DERA: variants seen among roughly 807,000 people sequenced by gnomAD.
DERA encodes the protein 2-deoxy-D-ribose 5-phosphate aldolase.
In DERA, 15 loss-of-function variants were observed where a neutral mutation model predicts 41.1. The ratio of observed to expected loss-of-function variants is 0.37; its 90% CI spans 0.24 to 0.56. The LOEUF is 0.56. Ranked by LOEUF, DERA falls within the 20% of genes least tolerant of loss-of-function variation. DERA has a pLI of 0.81. For synonymous variants in DERA, 139 were observed against 137.4 expected, an observed-to-expected ratio of 1.01 and a Z score of -0.08; for missense variants, 396 against 403.4, an observed-to-expected ratio of 0.98 and a Z score of 0.16.
intron 4 of DERA, among the ~76,000 whole-genome samples, chr12:15,962,496 CTG>C (rs1365213400): frequency 6.6e-6 from 1 of 152,224 alleles, no homozygotes; most frequent in African/African-American, 2.4e-5. Context: ...ATGGCTATCA[CTG>C]TGAAGATAAA....
intron 6 of DERA, among the ~76,000 whole-genome samples, chr12:16,018,360 A>T (rs989385063): frequency 3.3e-5 from 5 of 152,174 alleles, no homozygotes; most frequent in African/African-American, 1.2e-4. Context: ...TTTAATAACA[A>T]TTATCCATTA....
At chr12:16,006,888 G>C (rs1432763524) in intron 6 of DERA, among the ~76,000 whole-genome samples, 1 of 152,210 alleles carries the variant, frequency 6.6e-6, no homozygotes, top group African/African-American at 2.4e-5. Context: ...CTTTAGGCTT[G>C]AAAATATGTC....
chr12:16,035,374 A>G lies in DERA; in HGVS notation c.751-858A>G, dbSNP rs902807000. On this transcript the variant is annotated intron_variant, in intron 7 of 8. Coordinates refer to ENST00000428559, the MANE Select transcript of DERA (RefSeq NM_015954.4). The surrounding 1 kb of genome is among the most constrained non-coding windows in gnomAD (Gnocchi z 4.1). ...ATAAAACGTGAGAGATTTAGTACTC[A>G]GGCTCTGAGGTGTTGTTTTGACCAC... is the stretch of plus-strand genomic sequence containing the variant. Among the ~76,000 whole-genome samples the G allele has an allele frequency of 6.6e-6, 1 of 152,208 alleles. No individual in the cohort carries two copies.
In DERA at chr12:15,922,490, T is replaced by G. The variant is rs1948251281; in HGVS notation, c.31+11076T>G. On this transcript the variant is annotated intron_variant, in intron 1 of 8. Coordinates refer to ENST00000428559, the MANE Select transcript of DERA (RefSeq NM_015954.4). The surrounding 1 kb of genome is among the most constrained non-coding windows in gnomAD (Gnocchi z 4.9). ...CATTAAACTACTAATATAGAGAAAT[T>G]TTGGGACACAGTGATTAGCATGTAG... 6.6e-6 allele frequency among the ~76,000 whole-genome samples: 1 copy of G among 152,146 alleles called. No individual in the cohort carries two copies. The highest frequency in any genetic ancestry group is 2.1e-4 in the South Asian group (1 of 4,828).
chr12:15,911,587 G>A lies in DERA; in HGVS notation c.31+173G>A, dbSNP rs1948164132. 2.8e-6 allele frequency: 2 copies of A among 719,090 alleles called. No homozygotes were observed. The highest frequency in any genetic ancestry group is 5.4e-5 in the East Asian group (2 of 37,074). The allele number at this position is 719,090 out of a possible 1,614,324, so 44.5% of individuals were successfully genotyped here. On this transcript the variant is annotated intron_variant, in intron 1 of 8. Coordinates refer to ENST00000428559, the MANE Select transcript of DERA (RefSeq NM_015954.4). This position sits in a 1 kb window ranked among gnomAD's most constrained non-coding sequence, Gnocchi z 4.5. ...TCACCCCAAGTAAAGGCCGAACCCG[G>A]CACGTTCGCGCCGCTTGTCTTTGCA...
chr12:15,923,671 C>G (rs912163276), intron 1 of DERA, among the ~76,000 whole-genome samples: 1 of 150,862 alleles, frequency 6.6e-6, no homozygotes, highest in Admixed American at 6.6e-5. Flanking sequence ...ATTCATTCCT[C>G]TGCATGGCAG....
At position 15,958,339 on chromosome 12, in the gene DERA, ATGT is replaced by A. The variant is rs774420918; in HGVS notation, c.277+11_277+13del. On this transcript the variant is annotated splice_donor_5th_base_variant and intron_variant, in intron 3 of 8. Transcript: ENST00000428559. The stretch of plus-strand genomic sequence containing the variant: ...GCTTTAAATATGCATGATAAAGGTA[ATGT>A]TGTTGTGTGTGATCTATGTGGTGTT... 1.2e-5 allele frequency: 19 copies of A among 1,597,756 alleles called. No homozygotes were observed. Among genetic ancestry groups the A allele is most frequent in the Middle Eastern group, 1.8e-4 (1 of 5,688 alleles).
In DERA at chr12:15,967,724, G is replaced by A. The variant is rs533498588; in HGVS notation, c.508+4777G>A. Among the ~76,000 whole-genome samples, 39 of 152,196 alleles carry A rather than the reference G, an allele frequency of 2.6e-4. No homozygotes were observed. The highest frequency in any genetic ancestry group is 8.4e-4 in the African/African-American group (35 of 41,522). On this transcript the variant is annotated intron_variant, in intron 5 of 8. Coordinates refer to ENST00000428559, the MANE Select transcript of DERA (RefSeq NM_015954.4). This position sits in a 1 kb window ranked among gnomAD's most constrained non-coding sequence, Gnocchi z 4.9. ...TTTACTGTCAGATCATGTTGAGCTC[G>A]TGACGGCACACTGTCCTTCCCTGCC...
chr12:15,982,319 G>A lies in DERA; in HGVS notation c.520G>A (p.Glu174Lys). 1.2e-6 allele frequency: 2 copies of A among 1,612,932 alleles called. No individual in the cohort carries two copies. The highest frequency in any genetic ancestry group is 1.1e-5 in the South Asian group (1 of 90,738). ...LTGQWEALYD[E>K]IRQFRKACGE... ...ATTTTCTTCCCCAGCCCTGTATGAT[G>A]AGATTCGTCAGTTTCGCAAGGCCTG... Residue 174 changes from glutamate (E) to lysine (K), a missense_variant, in exon 6 of 9, where the codon GAG becomes AAG. By Grantham distance (56) the Glu-to-Lys change is moderately conservative (BLOSUM62 1). Transcript: ENST00000428559. This position sits in a 1 kb window ranked among gnomAD's most constrained non-coding sequence, Gnocchi z 4.0.
At chr12:16,006,963 G>C (rs7969174) in intron 6 of DERA, among the ~76,000 whole-genome samples, 2 of 152,136 alleles carry the variant, frequency 1.3e-5, no homozygotes, top group Non-Finnish European at 2.9e-5. Context: ...GAAGTGTCAT[G>C]TAACTGCTTT....
rs1361111246 is a variant in DERA, at chr12:15,954,838, G to A, written c.32-2098G>A. Among the ~76,000 whole-genome samples the A allele has an allele frequency of 6.6e-6, 1 of 152,188 alleles. No individual in the cohort carries two copies. ...GACCGATAAAGGACAGCCTGTCAAA[G>A]CCTTGCCCCACTGAGTAATAGGCCT... On this transcript the variant is annotated intron_variant, in intron 1 of 8. Transcript: ENST00000428559. This position sits in a 1 kb window ranked among gnomAD's most constrained non-coding sequence, Gnocchi z 4.0.
At chr12:15,986,979 A>G (rs1406414394) in intron 6 of DERA, among the ~76,000 whole-genome samples, 1 of 152,112 alleles carries the variant, frequency 6.6e-6, no homozygotes, top group Non-Finnish European at 1.5e-5. Flanking sequence ...TTCTTGTTTC[A>G]GCCTTTAAAT....
At chr12:16,034,071 A>G (rs1949111330) in intron 7 of DERA, among the ~76,000 whole-genome samples, 3 of 152,208 alleles carry the variant, frequency 2.0e-5, no homozygotes, top group Non-Finnish European at 2.9e-5. Context: ...AAGAATATCA[A>G]AACCAAATGT....
intron 1 of DERA, among the ~76,000 whole-genome samples, chr12:15,923,097 A>G (rs1196008026): frequency 7.7e-6 from 1 of 130,618 alleles, no homozygotes; most frequent in Non-Finnish European, 1.5e-5. Flanking sequence ...ATCTCGGCTC[A>G]CTGCAAGCTC....
intron 5 of DERA, 68 bp downstream of exon 5, chr12:15,963,015 A>G (rs934141783): frequency 1.3e-5 from 20 of 1,544,972 alleles, no homozygotes; most frequent in Non-Finnish European, 1.5e-5. Flanking sequence ...ATGAGGTAAG[A>G]TGTGGTATGT....
At chr12:15,944,944 A>C (rs1026462737) in intron 1 of DERA, among the ~76,000 whole-genome samples, 1 of 152,214 alleles carries the variant, frequency 6.6e-6, no homozygotes, top group Non-Finnish European at 1.5e-5. Flanking sequence ...AGCTTTCTAC[A>C]TATGGCTAGC....
chr12:15,989,020 G>C lies in DERA; in HGVS notation c.637+6584G>C, dbSNP rs545387740. The stretch of plus-strand genomic sequence containing the variant: ...CGCAGTGGAGAAGGCTCCAGGAGTA[G>C]GGAGAGGCCAGGGAGTGGGACCAGG... On this transcript the variant is annotated intron_variant, in intron 6 of 8. Transcript: ENST00000428559. This position sits in a 1 kb window ranked among gnomAD's most constrained non-coding sequence, Gnocchi z 5.2. Among the ~76,000 whole-genome samples the C allele has an allele frequency of 3.3e-4, 51 of 152,372 alleles. No homozygotes were observed. The highest frequency in any genetic ancestry group is 6.2e-4 in the Non-Finnish European group (42 of 68,040).
rs1389654142 is a variant in DERA, at chr12:15,936,920, CCTGTCCTGTCCTGTCTT to C, written c.32-20015_32-19999del. Among the ~76,000 whole-genome samples the C allele has an allele frequency of 0.012, 1,711 of 142,444 alleles. 38 individuals are homozygous for C. Among genetic ancestry groups the C allele is most frequent in the African/African-American group, 0.043 (1,579 of 37,092 alleles). 93.4% of individuals were successfully genotyped at this position (142,444 alleles called of 152,430 possible). On this transcript the variant is annotated intron_variant, in intron 1 of 8. Transcript: ENST00000428559. This position sits in a 1 kb window ranked among gnomAD's most constrained non-coding sequence, Gnocchi z 4.6. ...CCTGTCCTGTCCTGTCCTGTCCTGT[CCTGTCCTGTCCTGTCTT>C]GTCCTGTCCCGTCCTGTCCTGCCCT...
intron 4 of DERA, among the ~76,000 whole-genome samples, chr12:15,960,186 G>A (rs1176717317): frequency 1.3e-5 from 2 of 149,374 alleles, no homozygotes; most frequent in South Asian, 2.1e-4. Context: ...CATAAGGCAT[G>A]ACATATAGTA....
Sources: allele counts gnomAD v4.1 joint callset (sites outside exome capture counted in the v4.1 genomes callset), GRCh38; gene constraint gnomAD v4.1.1; non-coding constraint Gnocchi (gnomAD v3.1); transcripts MANE v1.5; gene names NCBI Gene and HGNC (gene_info 2026-07-23, HGNC 2026-07-21).